The following KY variants were observed in gnomAD, a reference collection of about 807,000 sequenced individuals.
The protein encoded by KY is kyphoscoliosis peptidase.
Under a neutral mutation model 76.1 loss-of-function variants are expected in KY, and 43 were observed. The observed-to-expected ratio is 0.57, with a 90% CI of 0.44 to 0.73. KY has a LOEUF of 0.73. Among genes scored for constraint, KY ranks in the 30% least tolerant of loss-of-function variants. KY has a pLI of 0.00. For synonymous variants in KY, 277 were observed against 326.2 expected (o/e 0.85, Z 1.63); for missense variants, 722 against 828.9 (o/e 0.87, Z 1.58).
rs1228742327 is a variant in KY, at chr3:134,627,838, A to G, written c.338-20T>C. The G allele has an allele frequency of 6.3e-7, 1 of 1,593,598 alleles. No homozygotes were observed. Among genetic ancestry groups the G allele is most frequent in the African/African-American group, 1.3e-5 (1 of 74,702 alleles). On this transcript the variant is annotated intron_variant, in intron 4 of 10. Transcript: ENST00000423778. ...GTAAACCTACAATATTCCAAAGATC[A>G]GAAGTATAGATACTTCAGAAGAAAC...
chr3:134,643,196 G>C, intron 3 of KY, 120 bp downstream of exon 3: 1 of 856,184 alleles, frequency 1.2e-6, no homozygotes, highest in South Asian at 1.6e-5. Context: ...ACACCCATGG[G>C]AGCAGAGAGG....
At chr3:134,607,704 T>C in intron 10 of KY, 1 of 985,614 alleles carries the variant, frequency 1.0e-6, no homozygotes, top group Non-Finnish European at 1.2e-6. Flanking sequence ...TGCCTCAGAG[T>C]GTGCAAACAT....
At position 134,603,487 on chromosome 3, in the gene KY, A is replaced by G; in HGVS notation, c.*92T>C. Reference sequence around the variant, plus strand: ...CCTAGAAGGGATTTCATGCAGACTCAGTGGTGTCCAGGGCTCCCTGCACTT... The same window carrying G: ...CCTAGAAGGGATTTCATGCAGACTCGGTGGTGTCCAGGGCTCCCTGCACTT... On this transcript the variant is annotated 3_prime_UTR_variant, in exon 11 of 11. Transcript: ENST00000423778. 1 of 1,122,784 alleles carries G rather than the reference A, an allele frequency of 8.9e-7. No individual in the cohort carries two copies. Among genetic ancestry groups the G allele is most frequent in the South Asian group, 1.5e-5 (1 of 65,204 alleles). 69.6% of individuals were successfully genotyped at this position (1,122,784 alleles called of 1,614,324 possible). A position where few individuals can be genotyped will look rare whatever the true frequency, so the allele number is the denominator to read the frequency against.
At chr3:134,648,857 A>C (rs770595695) in intron 1 of KY, among the ~76,000 whole-genome samples, 1 of 152,178 alleles carries the variant, frequency 6.6e-6, no homozygotes. Flanking sequence ...TATATAACCA[A>C]GGAAGATCCA....
At chr3:134,609,720 A>C (rs955325916) in intron 9 of KY, among the ~76,000 whole-genome samples, 11 of 152,218 alleles carry the variant, frequency 7.2e-5, no homozygotes, top group African/African-American at 1.7e-4. Context: ...CCCCTTCCCC[A>C]AAAACCACAG....
chr3:134,623,551 C>A (rs530157748), intron 6 of KY, among the ~76,000 whole-genome samples: 4 of 148,578 alleles, frequency 2.7e-5, no homozygotes, highest in Admixed American at 2.7e-4. Context: ...CCCCCTTGTT[C>A]CCCCACCTTA....
chr3:134,648,483 C>A (rs1966704695), intron 1 of KY, among the ~76,000 whole-genome samples: 1 of 152,196 alleles, frequency 6.6e-6, no homozygotes, highest in Admixed American at 6.5e-5. Flanking sequence ...TTGCCCCAGG[C>A]AGCTATAGGC....
Position 134,604,290 on chromosome 3 carries a change from G to T in KY, c.1275C>A (p.Tyr425Ter). The change falls in exon 11 of 11, where the codon TAC (tyrosine) becomes TAA (stop). Residue 425 changes from tyrosine to a stop codon, truncating the protein, a stop_gained. Coordinates refer to ENST00000423778, the MANE Select transcript of KY (RefSeq NM_178554.6). LOFTEE classifies it high-confidence loss of function. ...QIFAKGNSDIYSSVLEYTLKC... is the reference protein window; with the variant it reads ...QIFAKGNSDI ...TGAGCGTGTACTCCAGCACTGAGCT[G>T]TAGATGTCGGAGTTGCCCTTGGCAA... 2.5e-6 allele frequency: 4 copies of T among 1,613,998 alleles called. No individual in the cohort carries two copies. Among genetic ancestry groups the T allele is most frequent in the Non-Finnish European group, 3.4e-6 (4 of 1,179,890 alleles).
In KY at chr3:134,629,640, CT is replaced by C. The variant is rs1224871584; in HGVS notation, c.317del (p.Lys106ArgfsTer37). 1.9e-6 allele frequency: 3 copies of C among 1,601,528 alleles called. No homozygotes were observed. The highest frequency in any genetic ancestry group is 2.6e-6 in the Non-Finnish European group (3 of 1,173,886). On this transcript the variant is annotated frameshift_variant, in exon 4 of 11. Transcript: ENST00000423778. LOFTEE classifies it high-confidence loss of function. ...ACATACGTTTAGCCAAGGAGAACTT[CT>C]TGAGCAGCTGGGGCATGGCATCTCG... Reference protein sequence around the residue: ...HPRDAMPQLLKKFSLAKRLQG... With the variant: ...HPRDAMPQLLXKFSLAKRLQG...
At chr3:134,631,136 G>A (rs1964172393) in intron 3 of KY, among the ~76,000 whole-genome samples, 1 of 152,136 alleles carries the variant, frequency 6.6e-6, no homozygotes, top group Non-Finnish European at 1.5e-5. Context: ...GTCTCAGAAG[G>A]CAAAGAGAAA....
intron 7 of KY, among the ~76,000 whole-genome samples, chr3:134,620,482 C>T (rs1004940670): frequency 6.6e-6 from 1 of 152,204 alleles, no homozygotes; most frequent in South Asian, 2.1e-4. Flanking sequence ...GGGAAGGCTG[C>T]TGCTGGATGA....
At chr3:134,604,575 T>G in intron 10 of KY, 101 bp from the exon 11 acceptor site, 1 of 993,954 alleles carries the variant, frequency 1.0e-6, no homozygotes, top group East Asian at 2.4e-5. Flanking sequence ...ACGTCCTGAC[T>G]TATAGAGCTT....
At chr3:134,629,936 C>A (rs78383528) in intron 3 of KY, among the ~76,000 whole-genome samples, 107 of 152,248 alleles carry the variant, frequency 7.0e-4, no homozygotes, top group Admixed American at 1.1e-3. Flanking sequence ...CAATTATAAA[C>A]AATGTACTGA....
At chr3:134,632,402 A>C (rs981071514) in intron 3 of KY, among the ~76,000 whole-genome samples, 1 of 152,066 alleles carries the variant, frequency 6.6e-6, no homozygotes, top group Non-Finnish European at 1.5e-5. Context: ...AACTGAAATC[A>C]TACAAAACTC....
intron 3 of KY, among the ~76,000 whole-genome samples, chr3:134,634,415 A>G (rs1964643535): frequency 6.6e-6 from 1 of 152,246 alleles, no homozygotes; most frequent in African/African-American, 2.4e-5. Flanking sequence ...AGATCAATAA[A>G]CAGAATAATA....
intron 1 of KY, among the ~76,000 whole-genome samples, chr3:134,650,043 A>G (rs903171047): frequency 6.6e-6 from 1 of 152,202 alleles, no homozygotes; most frequent in African/African-American, 2.4e-5. Context: ...CTGGCTTTTC[A>G]GGGGCTTATT....
In KY at chr3:134,603,622, T is replaced by C. The variant is rs760651958; in HGVS notation, c.1943A>G (p.Asn648Ser). 9 of 1,603,676 alleles carry C rather than the reference T, an allele frequency of 5.6e-6. No homozygotes were observed. The highest frequency in any genetic ancestry group is 7.7e-6 in the Non-Finnish European group (9 of 1,173,562). The change falls in exon 11 of 11, where the codon AAT becomes AGT. Residue 648 changes from asparagine to serine, a missense_variant. By Grantham distance (46) the Asn-to-Ser change is conservative. Transcript: ENST00000423778. ...YVMVLENANH[N>S]FYSYILKYKV... ...GTATTTCAGGATGTAGGAGTAGAAA[T>C]TGTGGTTGGCATTCTCCAGCACCAT...
chr3:134,627,654 T>C, intron 5 of KY, 102 bp downstream of exon 5: 4 of 1,042,820 alleles, frequency 3.8e-6, no homozygotes, highest in Non-Finnish European at 5.9e-6. Flanking sequence ...CCCCAGCCTC[T>C]CAGCATAGTG....
chr3:134,612,751 CTGTGTGTGTGTG>C (rs35084772), intron 8 of KY, among the ~76,000 whole-genome samples: 25 of 125,422 alleles, frequency 2.0e-4, no homozygotes, highest in South Asian at 1.8e-3. Flanking sequence ...CACGCCGATG[CTGTGTGTGTGTG>C]TGTGTGTGTG....
Sources: gnomAD v4.1 joint callset for allele counts (sites outside exome capture counted in the v4.1 genomes callset) on GRCh38, gnomAD v4.1.1 for gene constraint, MANE v1.5 for transcripts, NCBI Gene and HGNC (gene_info 2026-07-23, HGNC 2026-07-21) for gene names.